Variants in LAMA3 observed in about 807,000 individuals in gnomAD.
LAMA3 encodes laminin subunit alpha-3.
Under a neutral mutation model 402.0 loss-of-function variants are expected in LAMA3, and 281 were observed. The observed-to-expected ratio is 0.70, with a 90% CI of 0.63 to 0.77. The LOEUF (loss-of-function observed/expected upper bound fraction) is 0.77, where lower values mean the gene tolerates loss of function less well. LAMA3 is among the 30% of genes least tolerant of loss of function. LAMA3 has a pLI of 0.00. For synonymous variants in LAMA3, 1,431 were observed against 1,558.4 expected, an observed-to-expected ratio of 0.92 and a Z score of 1.93; for missense variants, 3,840 against 4,215.5, an observed-to-expected ratio of 0.91 and a Z score of 2.47.
chr18:23,699,059 A>AGAGAGAGAGAGAGAG (rs2060743263), intron 1 of LAMA3, among the ~76,000 whole-genome samples: 3 of 151,200 alleles, frequency 2.0e-5, no homozygotes, highest in African/African-American at 7.4e-5. Context: ...AGAGAGAAAG[A>AGAGAGAGAGAGAGAG]AAAGAAAAGA....
At chr18:23,859,700 A>T (rs2064168680) in intron 34 of LAMA3, among the ~76,000 whole-genome samples, 1 of 152,028 alleles carries the variant, frequency 6.6e-6, no homozygotes, top group Non-Finnish European at 1.5e-5. Context: ...GTGTTTACCC[A>T]CCCAGGAGCT....
chr18:23,839,892 T>C lies in LAMA3; in HGVS notation c.3299T>C (p.Val1100Ala). Residue 1100 changes from valine to alanine, a missense_variant, in exon 27 of 75, where the codon GTT becomes GCT. Transcript: ENST00000313654. The surrounding 1 kb of genome is among the most constrained non-coding windows in gnomAD (Gnocchi z 4.5). ...PHLPQQSSPS[V>A]DVLPGVTLKA... is the part of the protein sequence containing the mutation. ...CTGCCCCAGCAGTCGTCACCTTCTG[T>C]TGATGTTCTTCCTGGGGTCACCTTG... is the stretch of plus-strand genomic sequence containing the variant. The C allele has an allele frequency of 5.0e-6, 8 of 1,614,238 alleles. No individual in the cohort carries two copies. The highest frequency in any genetic ancestry group is 6.8e-6 in the Non-Finnish European group (8 of 1,180,038).
chr18:23,926,857 G>A (rs2082017820), intron 62 of LAMA3, among the ~76,000 whole-genome samples: 1 of 152,204 alleles, frequency 6.6e-6, no homozygotes, highest in Admixed American at 6.5e-5. Context: ...AGTAATATGG[G>A]AGTAGTTACT....
chr18:23,772,835 G>C (rs1045678767), intron 8 of LAMA3, among the ~76,000 whole-genome samples: 1 of 152,204 alleles, frequency 6.6e-6, no homozygotes, highest in Non-Finnish European at 1.5e-5. Context: ...AAATGAGCTA[G>C]ATCCATAGTT....
intron 25 of LAMA3, among the ~76,000 whole-genome samples, chr18:23,838,266 T>C (rs952427681): frequency 1.3e-5 from 2 of 152,202 alleles, no homozygotes; most frequent in African/African-American, 4.8e-5. Flanking sequence ...AGTTTTTTTG[T>C]GTGACTCAAA....
chr18:23,926,072 G>C (rs139741632), intron 62 of LAMA3, among the ~76,000 whole-genome samples: 104 of 152,298 alleles, frequency 6.8e-4, no homozygotes, highest in African/African-American at 2.3e-3. Flanking sequence ...GATTCAGAGT[G>C]TGTAAAGGAA....
Position 23,943,930 on chromosome 18 carries a change from A to C in LAMA3, c.9169A>C (p.Ile3057Leu). Residue 3057 changes from isoleucine to leucine, a missense_variant, in exon 69 of 75, where the codon ATC becomes CTC. By Grantham distance (5) the Ile-to-Leu change is conservative. Transcript: ENST00000313654. ...ALGTDGKKLR[I>L]KSKEKCNDGK... ...GGGGACAGATGGGAAAAAATTGAGGATCAAAAGCAAGGAGAAATGCAATGA... is the reference window on the plus strand; with the variant it reads ...GGGGACAGATGGGAAAAAATTGAGGCTCAAAAGCAAGGAGAAATGCAATGA... 1 of 1,614,130 alleles carries C rather than the reference A, an allele frequency of 6.2e-7. No individual in the cohort carries two copies. The highest frequency in any genetic ancestry group is 8.5e-7 in the Non-Finnish European group (1 of 1,179,978).
intron 70 of LAMA3, 116 bp from the exon 71 acceptor site, chr18:23,949,649 G>A: frequency 1.0e-6 from 1 of 986,136 alleles, no homozygotes; most frequent in Non-Finnish European, 1.6e-6. Context: ...CGGGAAGAAT[G>A]AATCCCTACC....
At chr18:23,784,206 T>A in intron 12 of LAMA3, 49 bp downstream of exon 12, 1 of 1,609,876 alleles carries the variant, frequency 6.2e-7, no homozygotes, top group Non-Finnish European at 8.5e-7. Flanking sequence ...TCAAGATAAA[T>A]TTCCTCCTGA....
intron 15 of LAMA3, 108 bp downstream of exon 15, chr18:23,814,610 G>A: frequency 1.3e-6 from 1 of 761,110 alleles, no homozygotes; most frequent in Middle Eastern, 3.4e-4. Flanking sequence ...ACTTCAATTT[G>A]ACAAGATTCT....
At chr18:23,764,359 A>C (rs2062033491) in intron 8 of LAMA3, among the ~76,000 whole-genome samples, 1 of 152,228 alleles carries the variant, frequency 6.6e-6, no homozygotes. Flanking sequence ...AAATCCCAGG[A>C]TAAGGCTAAG....
intron 8 of LAMA3, among the ~76,000 whole-genome samples, chr18:23,768,341 C>T (rs182936237): frequency 5.4e-4 from 82 of 152,260 alleles, no homozygotes; most frequent in African/African-American, 1.9e-3. Context: ...CATGAACAGA[C>T]ACTTTGCAGA....
At position 23,750,912 on chromosome 18, in the gene LAMA3, T is replaced by C; in HGVS notation, c.685-6T>C. On this transcript the variant is annotated splice_polypyrimidine_tract_variant and splice_region_variant and intron_variant, in intron 4 of 74. Transcript: ENST00000313654. The stretch of plus-strand genomic sequence containing the variant: ...TTCCCCCTTTATGTGTGTGTGGTCA[T>C]TTTAGGTTGTGGTGTCCTTGATAAA... 6.2e-7 allele frequency: 1 copy of C among 1,614,120 alleles called. No individual in the cohort carries two copies. The highest frequency in any genetic ancestry group is 8.5e-7 in the Non-Finnish European group (1 of 1,179,978).
chr18:23,840,668 A>G (rs1362544743), intron 27 of LAMA3, among the ~76,000 whole-genome samples: 2 of 152,176 alleles, frequency 1.3e-5, no homozygotes, highest in Non-Finnish European at 1.5e-5. Context: ...ATCCATAAAC[A>G]TTTATTAATC....
chr18:23,725,173 G>A (rs1429081546), intron 2 of LAMA3, among the ~76,000 whole-genome samples: 2 of 151,066 alleles, frequency 1.3e-5, no homozygotes, highest in African/African-American at 2.4e-5. Context: ...GCAGTGGCAC[G>A]ATCTCGGTTC....
intron 2 of LAMA3, among the ~76,000 whole-genome samples, chr18:23,736,656 G>C (rs2061480186): frequency 6.6e-6 from 1 of 152,136 alleles, no homozygotes; most frequent in Admixed American, 6.5e-5. Context: ...TTGCAAGATA[G>C]AGTGGTAGAA....
At chr18:23,784,388 T>C (rs745923917) in intron 12 of LAMA3, among the ~76,000 whole-genome samples, 4 of 152,034 alleles carry the variant, frequency 2.6e-5, no homozygotes, top group Non-Finnish European at 5.9e-5. Flanking sequence ...TCTGAAATAA[T>C]CTGTTTGGGT....
chr18:23,833,876 G>A lies in LAMA3; in HGVS notation c.2872G>A (p.Val958Ile), dbSNP rs757292143. ...LRIPQVGHYVVVVEYSTEAAQ... is the reference protein window; with the variant it reads ...LRIPQVGHYVIVVEYSTEAAQ... Reference sequence around the variant, plus strand: ...CATCCCACAGGTTGGCCACTACGTGGTTGTGGTCGAGTATTCCACGGAGGC... The same window carrying A: ...CATCCCACAGGTTGGCCACTACGTGATTGTGGTCGAGTATTCCACGGAGGC... The change falls in exon 24 of 75, where the codon GTT becomes ATT. Residue 958 changes from valine (V) to isoleucine (I), a missense_variant. Val to Ile is a conservative substitution (Grantham distance 29). Around this residue, in one of 3 missense-constraint regions of LAMA3, gnomAD observed 2,109 missense variants for 2,376.0 expected, o/e 0.89. Coordinates refer to ENST00000313654, the MANE Select transcript of LAMA3 (RefSeq NM_198129.4). 1 of 1,614,026 alleles carries A rather than the reference G, an allele frequency of 6.2e-7. No individual in the cohort carries two copies. The highest frequency in any genetic ancestry group is 1.1e-5 in the South Asian group (1 of 91,072).
At chr18:23,942,548 C>T (rs554341779) in intron 68 of LAMA3, among the ~76,000 whole-genome samples, 34 of 151,312 alleles carry the variant, frequency 2.2e-4, no homozygotes, top group Non-Finnish European at 1.5e-5. Flanking sequence ...AACATGTAAC[C>T]ATCATGCAAA....
Sources: gnomAD v4.1 joint callset for allele counts (sites outside exome capture counted in the v4.1 genomes callset) on GRCh38, gnomAD v4.1.1 for gene constraint, gnomAD v4.1.1 regional missense constraint, Gnocchi (gnomAD v3.1) non-coding constraint, MANE v1.5 for transcripts, NCBI Gene and HGNC (gene_info 2026-07-23, HGNC 2026-07-21) for gene names.